The following NRG1 variants were observed in gnomAD, a reference collection of about 807,000 sequenced individuals.
NRG1 encodes pro-neuregulin-1, membrane-bound isoform.
A neutral mutation model predicts 63.8 loss-of-function variants in NRG1; 18 were observed. That is an observed-to-expected ratio of 0.28 (90% CI 0.19 to 0.42). The LOEUF (loss-of-function observed/expected upper bound fraction) is 0.42. Ranked by LOEUF, NRG1 falls within the 10% of genes least tolerant of loss-of-function variation. The pLI is 1.00. For synonymous variants in NRG1, 302 were observed against 301.3 expected, an observed-to-expected ratio of 1.00 and a Z score of -0.02; for missense variants, 762 against 814.7, an observed-to-expected ratio of 0.94 and a Z score of 0.79.
chr8:32,266,365 T>A (rs907904607), intron 1 of NRG1, among the ~76,000 whole-genome samples: 1 of 152,184 alleles, frequency 6.6e-6, no homozygotes, highest in Admixed American at 6.5e-5. Context: ...AATAATCCTT[T>A]ATTTAACAAG....
At chr8:31,734,749 T>C (rs1814481215) in intron 1 of NRG1, among the ~76,000 whole-genome samples, 1 of 152,206 alleles carries the variant, frequency 6.6e-6, no homozygotes, top group Non-Finnish European at 1.5e-5. Flanking sequence ...GATAAATGTG[T>C]GTGTTTCCAG....
At chr8:32,672,368 T>A (rs1033517170) in intron 5 of NRG1, among the ~76,000 whole-genome samples, 21 of 152,090 alleles carry the variant, frequency 1.4e-4, no homozygotes, top group Non-Finnish European at 2.6e-4. Context: ...TTTTTATTTT[T>A]AAATATTTTT....
chr8:32,200,408 T>C (rs1843385062), intron 1 of NRG1, among the ~76,000 whole-genome samples: 1 of 152,206 alleles, frequency 6.6e-6, no homozygotes, highest in Admixed American at 6.5e-5. Context: ...TCTCTTTAAC[T>C]TCCAGGATTT....
intron 1 of NRG1, among the ~76,000 whole-genome samples, chr8:31,979,877 C>T (rs925442489): frequency 3.9e-5 from 6 of 152,012 alleles, no homozygotes; most frequent in Non-Finnish European, 8.8e-5. Context: ...TTTATTAATT[C>T]TTTACAGCTT....
intron 1 of NRG1, among the ~76,000 whole-genome samples, chr8:32,461,359 G>A (rs1822281781): frequency 6.6e-6 from 1 of 152,150 alleles, no homozygotes; most frequent in South Asian, 2.1e-4. Flanking sequence ...TACTATAGCT[G>A]TTGTCTATAA....
intron 1 of NRG1, among the ~76,000 whole-genome samples, chr8:32,109,213 C>T (rs1831674677): frequency 6.6e-6 from 1 of 152,060 alleles, no homozygotes; most frequent in South Asian, 2.1e-4. Context: ...TGGTGGAACC[C>T]CAAACATCTT....
chr8:32,562,148 C>G (rs1836535698), intron 1 of NRG1, among the ~76,000 whole-genome samples: 1 of 152,188 alleles, frequency 6.6e-6, no homozygotes, highest in African/African-American at 2.4e-5. Flanking sequence ...CCAGCTGGCC[C>G]CATTAACAAG....
intron 1 of NRG1, among the ~76,000 whole-genome samples, chr8:31,877,414 T>G (rs182457526): frequency 1.3e-5 from 2 of 152,066 alleles, no homozygotes; most frequent in Non-Finnish European, 2.9e-5. Flanking sequence ...TGTTTTTATG[T>G]TCTGTATATA....
At chr8:32,719,097 C>T (rs987677234) in intron 5 of NRG1, among the ~76,000 whole-genome samples, 6 of 152,066 alleles carry the variant, frequency 3.9e-5, no homozygotes, top group African/African-American at 1.4e-4. Context: ...TCATGGAAAT[C>T]TCCCCTAGAG....
chr8:31,722,370 C>CAT (rs1563328858), intron 1 of NRG1, among the ~76,000 whole-genome samples: 2 of 152,070 alleles, frequency 1.3e-5, no homozygotes, highest in African/African-American at 4.8e-5. Context: ...TGATGTCTTT[C>CAT]ATCTGTTCTC....
At chr8:32,408,849 T>A (rs1814477523) in intron 1 of NRG1, among the ~76,000 whole-genome samples, 1 of 152,156 alleles carries the variant, frequency 6.6e-6, no homozygotes, top group East Asian at 1.9e-4. Context: ...ATAGTGTACC[T>A]TGTACCTATT....
intron 1 of NRG1, among the ~76,000 whole-genome samples, chr8:31,970,910 G>C (rs907779650): frequency 6.6e-6 from 1 of 152,090 alleles, no homozygotes; most frequent in Non-Finnish European, 1.5e-5. Flanking sequence ...CTTGCGCGGT[G>C]GCGGGCGCCT....
chr8:32,115,212 G>A (rs1027667132), intron 1 of NRG1, among the ~76,000 whole-genome samples: 1 of 151,796 alleles, frequency 6.6e-6, no homozygotes, highest in African/African-American at 2.4e-5. Flanking sequence ...TGTATTTTTA[G>A]CAGAGATGGA....
At chr8:32,554,394 T>C (rs1049545606) in intron 1 of NRG1, among the ~76,000 whole-genome samples, 2 of 152,168 alleles carry the variant, frequency 1.3e-5, no homozygotes, top group African/African-American at 4.8e-5. Flanking sequence ...AGTGAGGTGT[T>C]AGAAAAAAAG....
chr8:32,092,486 G>GA (rs904257081), intron 1 of NRG1, among the ~76,000 whole-genome samples: 1 of 143,968 alleles, frequency 6.9e-6, no homozygotes, highest in Non-Finnish European at 1.5e-5. Flanking sequence ...AAAAGAAAAA[G>GA]AAAAAAAATA....
chr8:32,250,347 A>G (rs1236863611), intron 1 of NRG1, among the ~76,000 whole-genome samples: 3 of 152,130 alleles, frequency 2.0e-5, no homozygotes, highest in African/African-American at 4.8e-5. Flanking sequence ...GAAATGGCCT[A>G]GTATTTGATG....
intron 1 of NRG1, among the ~76,000 whole-genome samples, chr8:32,053,066 G>C (rs1290629051): frequency 6.6e-6 from 1 of 152,160 alleles, no homozygotes; most frequent in East Asian, 1.9e-4. Flanking sequence ...AGGTACATAA[G>C]AATAAGAATG....
intron 1 of NRG1, among the ~76,000 whole-genome samples, chr8:32,054,885 T>C (rs1195001584): frequency 1.1e-4 from 11 of 100,730 alleles, no homozygotes; most frequent in East Asian, 2.7e-4. Flanking sequence ...TTTTTTTTTT[T>C]TTTTTTTTTT....
intron 1 of NRG1, among the ~76,000 whole-genome samples, chr8:32,346,457 A>G (rs1804909526): frequency 6.6e-6 from 1 of 151,868 alleles, no homozygotes; most frequent in Non-Finnish European, 1.5e-5. Context: ...GCATGCATAT[A>G]TATACATATC....
Sources: allele counts gnomAD v4.1 joint callset (sites outside exome capture counted in the v4.1 genomes callset), GRCh38; gene constraint gnomAD v4.1.1; transcripts MANE v1.5; gene names NCBI Gene and HGNC (gene_info 2026-07-23, HGNC 2026-07-21).